KIF7: variants seen among roughly 807,000 people sequenced by gnomAD.
KIF7 encodes kinesin-like protein KIF7.
KIF7 carries 104 observed loss-of-function variants against 135.7 expected under a neutral mutation model. That is an observed-to-expected ratio of 0.77 (90% CI 0.65 to 0.90). The LOEUF is 0.90. Ranked by LOEUF, KIF7 falls within the 40% of genes least tolerant of loss-of-function variation. The probability of loss-of-function intolerance (pLI) is 0.00; values close to 1 mark genes in which losing one functional copy is unlikely to be tolerated. For missense variants in KIF7, 2,005 were observed against 1,839.1 expected (o/e 1.09, Z -1.65); for synonymous variants, 883 against 809.4 (o/e 1.09, Z -1.54).
rs767690124 is a variant in KIF7 at position 89,628,747 on chromosome 15, G to A, written c.3704C>T (p.Ala1235Val). ...KRSLCSEGRQ[A>V]PGNEDELHLA... Reference sequence around the variant, plus strand: ...GTGGAGCTCATCTTCATTTCCAGGAGCCTGTCTGCCCTCCGAGCACAGGCT... The same window carrying A: ...GTGGAGCTCATCTTCATTTCCAGGAACCTGTCTGCCCTCCGAGCACAGGCT... The change falls in exon 19 of 19, where the codon GCT (alanine) becomes GTT (valine). Residue 1235 changes from alanine (A) to valine (V), a missense_variant. Physicochemically the swap from Ala to Val is moderately conservative, Grantham distance 64. Coordinates refer to ENST00000394412, the MANE Select transcript of KIF7 (RefSeq NM_198525.3). The A allele has an allele frequency of 9.6e-5, 155 of 1,612,456 alleles. No homozygotes were observed. Among genetic ancestry groups the A allele is most frequent in the Non-Finnish European group, 1.3e-4 (153 of 1,179,958 alleles).
chr15:89,630,189 T>C, intron 16 of KIF7, 98 bp downstream of exon 16: 1 of 1,132,698 alleles, frequency 8.8e-7, no homozygotes, highest in Admixed American at 1.9e-5. Flanking sequence ...TCCCCCAGTC[T>C]GGGAGGAAAC....
At chr15:89,619,801 G>T (rs775505329) in intron 1 of KIF7, 3 of 1,613,878 alleles carry the variant, frequency 1.9e-6, no homozygotes, top group Admixed American at 1.7e-5. Flanking sequence ...CCGAAGTCTC[G>T]AAGTGTGCAA....
chr15:89,632,841 G>A lies in KIF7; in HGVS notation c.2874C>T (p.Ser958=). The change falls in exon 14 of 19, where the codon AGC becomes AGT. Residue 958 remains serine (S), a synonymous_variant. Transcript: ENST00000394412. ...TCACCTGGCTGGATCTCAGGCGCTT[G>A]CTCTCCAGCCCCGTCTTCTCCTGCA... ...ALMQEKTGLE[S]KRLRSSQALN... The A allele has an allele frequency of 6.2e-7, 1 of 1,607,676 alleles. No individual in the cohort carries two copies. Among genetic ancestry groups the A allele is most frequent in the Non-Finnish European group, 8.5e-7 (1 of 1,179,690 alleles).
chr15:89,639,819 GCAGCTATAAAGA>G (rs1963883965), intron 11 of KIF7, among the ~76,000 whole-genome samples: 1 of 151,954 alleles, frequency 6.6e-6, no homozygotes, highest in African/African-American at 2.4e-5. Flanking sequence ...TATAAATCAT[GCAGCTATAAAGA>G]CACATGCACA....
chr15:89,618,240 C>T (rs1401131293), intron 1 of KIF7: 2 of 1,594,698 alleles, frequency 1.3e-6, no homozygotes, highest in Non-Finnish European at 1.7e-6. Context: ...GTTTTTAATG[C>T]AATCTACCCA....
intron 11 of KIF7, among the ~76,000 whole-genome samples, chr15:89,640,988 G>T (rs1377438648): frequency 1.3e-5 from 2 of 152,130 alleles, no homozygotes; most frequent in Non-Finnish European, 2.9e-5. Flanking sequence ...GAGCAACAGA[G>T]TGAGACTCCG....
chr15:89,646,474 A>G (rs1039377955), intron 7 of KIF7, among the ~76,000 whole-genome samples: 1 of 152,278 alleles, frequency 6.6e-6, no homozygotes, highest in East Asian at 1.9e-4. Flanking sequence ...GAACTTGCAA[A>G]GAGAGCCATC....
chr15:89,632,903 T>A lies in KIF7; in HGVS notation c.2812A>T (p.Lys938Ter), dbSNP rs760016965. The part of the protein sequence containing the change: ...ALEELGEELH[K>*]REAILAKKEA... ...TTCTTGGCCAGGATGGCCTCCCGCT[T>A]GTGGAGCTCCTCCCCCAGCTCCTCC... is the stretch of plus-strand genomic sequence containing the variant. Residue 938 changes from lysine to a stop codon, truncating the protein, a stop_gained, in exon 14 of 19, where the codon AAG (lysine) becomes TAG (stop). Coordinates refer to ENST00000394412, the MANE Select transcript of KIF7 (RefSeq NM_198525.3). LOFTEE classifies it high-confidence loss of function. 1 of 1,610,280 alleles carries A rather than the reference T, an allele frequency of 6.2e-7. No individual in the cohort carries two copies.
At chr15:89,640,091 A>G (rs867801540) in intron 11 of KIF7, among the ~76,000 whole-genome samples, 2 of 150,828 alleles carry the variant, frequency 1.3e-5, no homozygotes, top group African/African-American at 2.4e-5. Context: ...GGGTGGAACA[A>G]TGAGAACACA....
intron 1 of KIF7, among the ~76,000 whole-genome samples, chr15:89,653,426 C>G (rs1389150048): frequency 2.0e-5 from 3 of 152,218 alleles, no homozygotes; most frequent in African/African-American, 7.2e-5. Context: ...CCTGCCAATT[C>G]CATCTCCTAA....
At position 89,639,909 on chromosome 15, in the gene KIF7, T is replaced by G. The variant is rs190978156; in HGVS notation, c.2394+2294A>C. Among the ~76,000 whole-genome samples the G allele has an allele frequency of 4.0e-3, 603 of 152,240 alleles. 2 individuals carry two copies. The highest frequency in any genetic ancestry group is 5.8e-3 in the South Asian group (28 of 4,820). Reference sequence around the variant, plus strand: ...AACCAACCCAAATGTCCAACAATGATAGACTGGATTAAGAAAATGTGGCAC... The same window carrying G: ...AACCAACCCAAATGTCCAACAATGAGAGACTGGATTAAGAAAATGTGGCAC... On this transcript the variant is annotated intron_variant, in intron 11 of 18. Coordinates refer to ENST00000394412, the MANE Select transcript of KIF7 (RefSeq NM_198525.3).
In KIF7 at chr15:89,631,601, T is replaced by A; in HGVS notation, c.3005A>T (p.Gln1002Leu). ...LRQGSAQSQQ[Q>L]IRGEIDSLRQ... ...CAGGCTGTCGATCTCCCCGCGGATC[T>A]GCTGCTGGCTCTGGGCGCTGCCCTG... The change falls in exon 15 of 19, where the codon CAG (glutamine) becomes CTG (leucine). Residue 1002 changes from glutamine (Q) to leucine (L), a missense_variant. Coordinates refer to ENST00000394412, the MANE Select transcript of KIF7 (RefSeq NM_198525.3). The A allele has an allele frequency of 6.4e-7, 1 of 1,562,750 alleles. No individual in the cohort carries two copies. The highest frequency in any genetic ancestry group is 8.7e-7 in the Non-Finnish European group (1 of 1,152,598).
intron 1 of KIF7, among the ~76,000 whole-genome samples, chr15:89,622,220 AAGT>A (rs1311326535): frequency 3.9e-5 from 6 of 151,984 alleles, no homozygotes; most frequent in Admixed American, 6.6e-5. Context: ...TCCTGACCTC[AAGT>A]GATCCACCTG....
chr15:89,648,559 G>A lies in KIF7; in HGVS notation c.1139C>T (p.Ser380Phe). 2.1e-6 allele frequency: 3 copies of A among 1,442,704 alleles called. No individual in the cohort carries two copies. The highest frequency in any genetic ancestry group is 2.4e-5 in the Admixed American group (1 of 41,282). 89.4% of individuals were successfully genotyped at this position (1,442,704 alleles called of 1,614,324 possible). Residue 380 changes from serine (S) to phenylalanine (F), a missense_variant, in exon 5 of 19, where the codon TCC becomes TTC. Physicochemically the swap from Ser to Phe is radical, Grantham distance 155. Coordinates refer to ENST00000394412, the MANE Select transcript of KIF7 (RefSeq NM_198525.3). The part of the protein sequence containing the change: ...SGARGPPRHR[S>F]ETRIIHRGRR... ...GCCGCGGTGGATGATGCGGGTCTCG[G>A]AGCGGTGCCGTGGCGGACCCCGCGC... is the stretch of plus-strand genomic sequence containing the variant.
chr15:89,635,774 C>T (rs1025415771), intron 11 of KIF7, among the ~76,000 whole-genome samples: 7 of 152,210 alleles, frequency 4.6e-5, no homozygotes, highest in Non-Finnish European at 8.8e-5. Flanking sequence ...TCCAGGAGAA[C>T]TTCCCCAATC....
chr15:89,657,951 A>C (rs1964223940), upstream of KIF7, among the ~76,000 whole-genome samples: 1 of 152,212 alleles, frequency 6.6e-6, no homozygotes, highest in African/African-American at 2.4e-5. Context: ...TAATTCAGAC[A>C]ATGTGCTAAT....
downstream of KIF7, chr15:89,626,887 T>C (rs1963537689): frequency 6.4e-7 from 1 of 1,568,550 alleles, no homozygotes; most frequent in Admixed American, 1.8e-5. Flanking sequence ...CCCTCTGCAA[T>C]TTAAGCCAAT....
chr15:89,628,663 T>C lies in KIF7; in HGVS notation c.3788A>G (p.Glu1263Gly), dbSNP rs768543012. 6.2e-7 allele frequency: 1 copy of C among 1,613,076 alleles called. No individual in the cohort carries two copies. Among genetic ancestry groups the C allele is most frequent in the East Asian group, 2.2e-5 (1 of 44,842 alleles). Reference sequence around the variant, plus strand: ...AGCGTGGACCAAGTCCCGCGTCTCCTCCCGGGTGCGGGGGGCCCCCTCAGT... The same window carrying C: ...AGCGTGGACCAAGTCCCGCGTCTCCCCCCGGGTGCGGGGGGCCCCCTCAGT... ...PLTEGAPRTR[E>G]ETRDLVHAPL... The change falls in exon 19 of 19, where the codon GAG (glutamate) becomes GGG (glycine). Residue 1263 changes from glutamate to glycine, a missense_variant. By Grantham distance (98) the Glu-to-Gly change is moderately conservative (BLOSUM62 -2). Transcript: ENST00000394412.
At chr15:89,641,268 C>T (rs1007802381) in intron 11 of KIF7, among the ~76,000 whole-genome samples, 7 of 151,950 alleles carry the variant, frequency 4.6e-5, no homozygotes, top group African/African-American at 7.3e-5. Flanking sequence ...AGGAAGTGGC[C>T]GTCTGCACAC....
Sources: gnomAD v4.1 joint callset for allele counts (sites outside exome capture counted in the v4.1 genomes callset) on GRCh38, gnomAD v4.1.1 for gene constraint, MANE v1.5 for transcripts, NCBI Gene and HGNC (gene_info 2026-07-23, HGNC 2026-07-21) for gene names.